The following SH3PXD2B variants were observed in gnomAD, a reference collection of about 807,000 sequenced individuals.
The protein encoded by SH3PXD2B is SH3 and PX domains 2B.
A neutral mutation model predicts 73.1 loss-of-function variants in SH3PXD2B; 37 were observed. The observed-to-expected ratio is 0.51, with a 90% CI of 0.39 to 0.67. The LOEUF (loss-of-function observed/expected upper bound fraction) is 0.67. SH3PXD2B is among the 30% of genes least tolerant of loss of function. The pLI is 0.00. For synonymous variants in SH3PXD2B, 457 were observed against 480.5 expected (o/e 0.95, Z 0.64); for missense variants, 1,053 against 1,197.8 (o/e 0.88, Z 1.78).
intron 1 of SH3PXD2B, among the ~76,000 whole-genome samples, chr5:172,442,885 T>C (rs1759579278): frequency 6.6e-6 from 1 of 152,180 alleles, no homozygotes; most frequent in South Asian, 2.1e-4. Context: ...AGATCACACA[T>C]GGCAGAGCCA....
intron 12 of SH3PXD2B, among the ~76,000 whole-genome samples, chr5:172,343,664 G>C (rs1027647880): frequency 2.6e-5 from 4 of 152,048 alleles, no homozygotes; most frequent in African/African-American, 9.7e-5. Flanking sequence ...AATTAGCCAG[G>C]TGTGATGGCA....
In SH3PXD2B at chr5:172,346,131, C is replaced by T; in HGVS notation, c.1188+5G>A. 6.2e-7 allele frequency: 1 copy of T among 1,614,098 alleles called. No homozygotes were observed. The highest frequency in any genetic ancestry group is 2.2e-5 in the East Asian group (1 of 44,872). ...AGTAGGCAAAGGAACACCAGGGCCA[C>T]TCACCTCGACCTTCAGGCCTGCCTG... On this transcript the variant is annotated splice_donor_5th_base_variant and intron_variant, in intron 12 of 12. Coordinates refer to ENST00000311601, the MANE Select transcript of SH3PXD2B (RefSeq NM_001017995.3).
chr5:172,449,178 G>C (rs1759740697), intron 1 of SH3PXD2B, among the ~76,000 whole-genome samples: 1 of 152,186 alleles, frequency 6.6e-6, no homozygotes. Context: ...GCTTCCTGGG[G>C]TGAGAATGAC....
intron 4 of SH3PXD2B, among the ~76,000 whole-genome samples, chr5:172,387,563 G>A (rs1758086811): frequency 6.6e-6 from 1 of 152,144 alleles, no homozygotes; most frequent in African/African-American, 2.4e-5. Context: ...GGATTTTACT[G>A]TCAGACCACG....
chr5:172,371,830 C>T (rs981793070), intron 6 of SH3PXD2B, among the ~76,000 whole-genome samples: 1 of 152,184 alleles, frequency 6.6e-6, no homozygotes, highest in African/African-American at 2.4e-5. Flanking sequence ...TCTGCATACT[C>T]GAAACCAGAA....
At chr5:172,359,005 G>T in intron 7 of SH3PXD2B, 128 bp from the exon 8 acceptor site, 1 of 884,028 alleles carries the variant, frequency 1.1e-6, no homozygotes, top group Non-Finnish European at 1.8e-6. Flanking sequence ...CCATTTTATT[G>T]GTAGAACACA....
At chr5:172,400,380 G>T (rs1758398276) in intron 3 of SH3PXD2B, among the ~76,000 whole-genome samples, 2 of 152,172 alleles carry the variant, frequency 1.3e-5, no homozygotes, top group South Asian at 4.1e-4. Flanking sequence ...GGAATGCCTG[G>T]AGGCTACTTA....
chr5:172,376,586 C>T (rs972240311), intron 5 of SH3PXD2B, among the ~76,000 whole-genome samples: 4 of 152,204 alleles, frequency 2.6e-5, no homozygotes, highest in Admixed American at 6.5e-5. Flanking sequence ...CTACAGTCCT[C>T]CTGTATGTCT....
intron 1 of SH3PXD2B, among the ~76,000 whole-genome samples, chr5:172,441,733 C>G (rs1191685033): frequency 6.6e-6 from 1 of 152,094 alleles, no homozygotes; most frequent in Admixed American, 6.5e-5. Context: ...ATCCTCCCTT[C>G]CCGCTGAGCT....
At chr5:172,373,253 C>T (rs537256472) in intron 6 of SH3PXD2B, among the ~76,000 whole-genome samples, 3 of 152,320 alleles carry the variant, frequency 2.0e-5, no homozygotes, top group African/African-American at 7.2e-5. Flanking sequence ...CTGTGCCTGG[C>T]GATCCCCTCA....
At chr5:172,424,556 T>C (rs760843551) in intron 1 of SH3PXD2B, among the ~76,000 whole-genome samples, 16 of 152,166 alleles carry the variant, frequency 1.1e-4, no homozygotes, top group Non-Finnish European at 1.8e-4. Context: ...CATGGACTTA[T>C]AGGAGAAGGT....
chr5:172,328,754 C>G (rs892345796), downstream of SH3PXD2B, among the ~76,000 whole-genome samples: 2 of 151,940 alleles, frequency 1.3e-5, no homozygotes, highest in African/African-American at 4.8e-5. Context: ...GTGGAATATG[C>G]GTCCCTGGGC....
At chr5:172,348,669 A>ATCTGTCTG (rs1415509414) in intron 10 of SH3PXD2B, among the ~76,000 whole-genome samples, 10 of 49,978 alleles carry the variant, frequency 2.0e-4, no homozygotes, top group African/African-American at 6.6e-4. Flanking sequence ...CTATCTATCT[A>ATCTGTCTG]TCTATCTATC....
chr5:172,417,935 A>G (rs1758863716), intron 2 of SH3PXD2B, among the ~76,000 whole-genome samples: 1 of 152,212 alleles, frequency 6.6e-6, no homozygotes, highest in Non-Finnish European at 1.5e-5. Flanking sequence ...CCCAGTACCC[A>G]TTAGCAGTAT....
chr5:172,406,669 T>C (rs1216194857), intron 2 of SH3PXD2B, among the ~76,000 whole-genome samples: 1 of 152,188 alleles, frequency 6.6e-6, no homozygotes, highest in African/African-American at 2.4e-5. Context: ...CAGGATTTCA[T>C]GGACAGCAGG....
rs376712965 is a variant in SH3PXD2B, at chr5:172,394,605, G to T, written c.267C>A (p.Asp89Glu). The T allele has an allele frequency of 1.2e-6, 2 of 1,614,094 alleles. No individual in the cohort carries two copies. Among genetic ancestry groups the T allele is most frequent in the Admixed American group, 3.3e-5 (2 of 60,016 alleles). ...KILFRRSHIR[D>E]VAVKRLIPID... The stretch of plus-strand genomic sequence containing the variant: ...TTGGTATCAGGCGTTTGACAGCCAC[G>T]TCCCGGATGTGGCTTCGTCTGAAGA... The change falls in exon 4 of 13, where the codon GAC (aspartate) becomes GAA (glutamate). Residue 89 changes from aspartate (D) to glutamate (E), a missense_variant. Around this residue, in one of 2 missense-constraint regions of SH3PXD2B, gnomAD observed 466 missense variants for 607.1 expected, o/e 0.77. Coordinates refer to ENST00000311601, the MANE Select transcript of SH3PXD2B (RefSeq NM_001017995.3).
downstream of SH3PXD2B, among the ~76,000 whole-genome samples, chr5:172,329,079 A>ATTTTTTTTT (rs1386540665): frequency 6.2e-5 from 4 of 64,510 alleles, no homozygotes; most frequent in East Asian, 5.3e-4. Context: ...ATATATATAT[A>ATTTTTTTTT]TATATTTTTT....
chr5:172,436,141 CT>C (rs776873939), intron 1 of SH3PXD2B, among the ~76,000 whole-genome samples: 14 of 152,218 alleles, frequency 9.2e-5, no homozygotes, highest in African/African-American at 2.2e-4. Flanking sequence ...CCTTGTGCCC[CT>C]ATGGGCCTCT....
chr5:172,335,652 C>G lies in SH3PXD2B; in HGVS notation c.*2717G>C. The G allele has an allele frequency of 8.1e-7, 1 of 1,231,824 alleles. No individual in the cohort carries two copies. The highest frequency in any genetic ancestry group is 1.0e-6 in the Non-Finnish European group (1 of 988,022). The allele number at this position is 1,231,824 out of a possible 1,614,324, so 76.3% of individuals were successfully genotyped here. ...GATGGGCCTGGACACTTTCTAGAGC[C>G]ATGACTCCAGGGGAGTTCTGCATAT... On this transcript the variant is annotated 3_prime_UTR_variant, in exon 13 of 13. Coordinates refer to ENST00000311601, the MANE Select transcript of SH3PXD2B (RefSeq NM_001017995.3).
Sources: allele counts gnomAD v4.1 joint callset (sites outside exome capture counted in the v4.1 genomes callset), GRCh38; gene constraint gnomAD v4.1.1; regional missense constraint gnomAD v4.1.1; transcripts MANE v1.5; gene names NCBI Gene and HGNC (gene_info 2026-07-23, HGNC 2026-07-21).